CNKSR2: variants seen among roughly 807,000 people sequenced by gnomAD.
CNKSR2 encodes CNK homolog protein 2.
In CNKSR2, 14 loss-of-function variants were observed where a neutral mutation model predicts 84.4. The observed-to-expected ratio is 0.17, with a 90% CI of 0.11 to 0.26. The LOEUF (loss-of-function observed/expected upper bound fraction) is 0.26, where lower values mean the gene tolerates loss of function less well. Ranked by LOEUF, CNKSR2 falls within the 10% of genes least tolerant of loss-of-function variation. The pLI is 1.00. For synonymous variants in CNKSR2, 275 were observed against 277.9 expected (o/e 0.99, Z 0.10); for missense variants, 485 against 771.2 (o/e 0.63, Z 4.40).
intron 1 of CNKSR2, among the ~76,000 whole-genome samples, chrX:21,393,356 G>A (rs1295792739): frequency 8.9e-6 from 1 of 112,102 alleles, no homozygotes; most frequent in African/African-American, 3.2e-5. Flanking sequence ...AGGTAAGAAT[G>A]CTTTACATTT....
At chrX:21,586,688 G>T (rs1165113778) in intron 13 of CNKSR2, among the ~76,000 whole-genome samples, 1 of 111,450 alleles carries the variant, frequency 9.0e-6, no homozygotes, top group Non-Finnish European at 1.9e-5. Flanking sequence ...GTAAAAACAG[G>T]AAGGTTAAAC....
chrX:21,418,798 G>A (rs755057146), intron 1 of CNKSR2, among the ~76,000 whole-genome samples: 2 of 111,324 alleles, frequency 1.8e-5, no homozygotes, highest in Non-Finnish European at 3.8e-5. Flanking sequence ...TTTTCAGTAT[G>A]ACAATTGTGT....
chrX:21,385,634 A>G (rs968946835), intron 1 of CNKSR2, among the ~76,000 whole-genome samples: 2 of 111,978 alleles, frequency 1.8e-5, no homozygotes, highest in African/African-American at 6.5e-5. Context: ...ATATACCTGT[A>G]TATTTATTAA....
chrX:21,394,206 T>C (rs758950375), intron 1 of CNKSR2, among the ~76,000 whole-genome samples: 2 of 112,296 alleles, frequency 1.8e-5, no homozygotes, highest in African/African-American at 6.4e-5. Context: ...AAAAAAGAAT[T>C]TATTACTGTA....
chrX:21,566,535 A>G (rs2092239678), intron 13 of CNKSR2, among the ~76,000 whole-genome samples: 1 of 111,884 alleles, frequency 8.9e-6, no homozygotes, highest in Non-Finnish European at 1.9e-5. Flanking sequence ...TAACATGGCC[A>G]TGTTTAATGG....
At chrX:21,403,185 ACT>A (rs1442513540) in intron 1 of CNKSR2, among the ~76,000 whole-genome samples, 1 of 110,245 alleles carries the variant, frequency 9.1e-6, no homozygotes, top group Non-Finnish European at 1.9e-5. Context: ...AACATGGCAG[ACT>A]CTCCCCCACC....
chrX:21,530,295 A>G (rs749310347), intron 10 of CNKSR2, among the ~76,000 whole-genome samples: 2 of 111,626 alleles, frequency 1.8e-5, no homozygotes, highest in Non-Finnish European at 3.8e-5. Flanking sequence ...GGTTAAACAG[A>G]TAAGAAAACT....
rs749097765 is a variant in CNKSR2, at chrX:21,571,467, A to G, written c.1608+8015A>G. ...CTAATATTACTAATAGCTAGCATTT[A>G]CTGATTACTTACTAAGCTCCAATGC... is the stretch of plus-strand genomic sequence containing the variant. On this transcript the variant is annotated intron_variant, in intron 13 of 21. Coordinates refer to ENST00000379510, the MANE Select transcript of CNKSR2 (RefSeq NM_014927.5). 2.3e-3 allele frequency among the ~76,000 whole-genome samples: 257 copies of G among 112,217 alleles called. 1 individual carries two copies. The highest frequency in any genetic ancestry group is 7.8e-3 in the African/African-American group (243 of 30,967).
chrX:21,641,131 G>A (rs903571606), intron 20 of CNKSR2, among the ~76,000 whole-genome samples: 2 of 111,840 alleles, frequency 1.8e-5, no homozygotes, highest in African/African-American at 6.5e-5. Context: ...GAAAGATCTC[G>A]TATAGAAATA....
chrX:21,556,886 C>T (rs2092144846), intron 11 of CNKSR2, among the ~76,000 whole-genome samples: 1 of 110,116 alleles, frequency 9.1e-6, no homozygotes, highest in South Asian at 3.9e-4. Flanking sequence ...GAAATTACAG[C>T]ATGTTTATAT....
intron 1 of CNKSR2, among the ~76,000 whole-genome samples, chrX:21,393,168 T>G (rs896029311): frequency 7.1e-5 from 8 of 112,394 alleles, no homozygotes; most frequent in Non-Finnish European, 9.4e-5. Context: ...ATTGTTGAGG[T>G]GAATGTCTTA....
chrX:21,429,905 T>A (rs1318599162), intron 2 of CNKSR2: 3 of 111,008 alleles, frequency 2.7e-5, no homozygotes, highest in Non-Finnish European at 5.7e-5. Flanking sequence ...ATCAAAAAAA[T>A]AAAATAAAAT....
At chrX:21,415,203 T>G (rs184869234) in intron 1 of CNKSR2, among the ~76,000 whole-genome samples, 42 of 111,949 alleles carry the variant, frequency 3.8e-4, no homozygotes, top group African/African-American at 1.3e-3. Context: ...TATCTTTCCA[T>G]TTTTTGGTGG....
intron 13 of CNKSR2, among the ~76,000 whole-genome samples, chrX:21,570,171 T>G (rs1247575104): frequency 8.9e-6 from 1 of 112,590 alleles, no homozygotes; most frequent in Non-Finnish European, 1.9e-5. Flanking sequence ...AAGTCCTAGA[T>G]GGCATCTTCT....
At chrX:21,421,539 C>T (rs894521010) in intron 1 of CNKSR2, among the ~76,000 whole-genome samples, 13 of 110,609 alleles carry the variant, frequency 1.2e-4, no homozygotes, top group African/African-American at 4.3e-4. Context: ...GGGTTGCTTC[C>T]ACCTCTCGCC....
At chrX:21,485,056 G>A (rs907202193) in intron 5 of CNKSR2, among the ~76,000 whole-genome samples, 1 of 110,540 alleles carries the variant, frequency 9.0e-6, no homozygotes, top group Non-Finnish European at 1.9e-5. Flanking sequence ...AGTGGCAGGT[G>A]CCTGTAATCC....
At chrX:21,613,378 A>G (rs1159571268) in intron 20 of CNKSR2, among the ~76,000 whole-genome samples, 1 of 111,903 alleles carries the variant, frequency 8.9e-6, no homozygotes, top group Non-Finnish European at 1.9e-5. Context: ...AAGCAATTAT[A>G]AGGGAACTCT....
At chrX:21,652,066 T>C (rs1259531367) in intron 21 of CNKSR2, among the ~76,000 whole-genome samples, 2 of 111,540 alleles carry the variant, frequency 1.8e-5, no homozygotes, top group Non-Finnish European at 3.8e-5. Flanking sequence ...AAGGTTTCCA[T>C]AGCAGAGATG....
rs1180961987 is a variant in CNKSR2 at position 21,480,340 on chromosome X, A to G, written c.561+9533A>G. ...AAAGTGTATATATATAGTGCCTTAA[A>G]TTTCCAGAAGCTTATCTAATTATAA... is the stretch of plus-strand genomic sequence containing the variant. On this transcript the variant is annotated intron_variant, in intron 5 of 21. Transcript: ENST00000379510. 1.2e-4 allele frequency among the ~76,000 whole-genome samples: 13 copies of G among 111,892 alleles called. No individual in the cohort carries two copies. The Admixed American group carries it at 1.2e-3, about 11-fold the overall frequency.
Sources: allele counts gnomAD v4.1 joint callset (sites outside exome capture counted in the v4.1 genomes callset), GRCh38; gene constraint gnomAD v4.1.1; transcripts MANE v1.5; gene names NCBI Gene and HGNC (gene_info 2026-07-23, HGNC 2026-07-21).